Variants in PYHIN1 observed in about 807,000 individuals in gnomAD.
PYHIN1 encodes the protein pyrin and HIN domain-containing protein 1.
A neutral mutation model predicts 43.7 loss-of-function variants in PYHIN1; 32 were observed. The observed-to-expected ratio is 0.73, with a 90% CI of 0.55 to 0.98. The LOEUF is 0.98. PYHIN1 is among the 50% of genes least tolerant of loss of function. The pLI, the probability that PYHIN1 is intolerant of heterozygous loss-of-function variation, is 0.00. For missense variants in PYHIN1, 588 were observed against 589.5 expected (o/e 1.00, Z 0.03); for synonymous variants, 205 against 203.1 (o/e 1.01, Z -0.08).
chr1:158,972,925 A>G (rs1296869041), intron 7 of PYHIN1, among the ~76,000 whole-genome samples: 1 of 152,114 alleles, frequency 6.6e-6, no homozygotes, highest in African/African-American at 2.4e-5. Context: ...CTGCTCAGGT[A>G]AGTAAAAACA....
At chr1:158,967,842 A>G (rs936341394) in intron 7 of PYHIN1, among the ~76,000 whole-genome samples, 11 of 151,958 alleles carry the variant, frequency 7.2e-5, no homozygotes, top group Non-Finnish European at 1.5e-4. Context: ...AAGCAATGGG[A>G]TAAGGACTCC....
At chr1:158,984,224 T>C in the PYHIN1 span, among the ~76,000 whole-genome samples, 1 of 152,032 alleles carries the variant, frequency 6.6e-6, no homozygotes. Flanking sequence ...TTCTAGTTCC[T>C]GTAAATGTGA....
intron 3 of PYHIN1, 113 bp downstream of exon 3, chr1:158,938,655 T>C: frequency 9.1e-7 from 1 of 1,100,592 alleles, no homozygotes; most frequent in Non-Finnish European, 1.3e-6. Flanking sequence ...TCCCATCAAG[T>C]TTCAGATTTA....
intron 7 of PYHIN1, among the ~76,000 whole-genome samples, chr1:158,953,593 C>T (rs58831706): frequency 6.6e-6 from 1 of 151,794 alleles, no homozygotes; most frequent in Non-Finnish European, 1.5e-5. Context: ...CACCAAAAAC[C>T]CTTCTGTACA....
At chr1:158,973,820 G>C in intron 8 of PYHIN1, 49 bp downstream of exon 8, 1 of 1,589,180 alleles carries the variant, frequency 6.3e-7, no homozygotes, top group South Asian at 1.1e-5. Flanking sequence ...ATAATTGTAG[G>C]GGTAATCAGA....
chr1:158,943,141 C>T (rs1481842871), intron 5 of PYHIN1, among the ~76,000 whole-genome samples: 1 of 152,152 alleles, frequency 6.6e-6, no homozygotes, highest in Non-Finnish European at 1.5e-5. Flanking sequence ...ACTGACAGCT[C>T]ATGATCTGTT....
At chr1:158,957,291 T>C (rs1244621843) in intron 7 of PYHIN1, among the ~76,000 whole-genome samples, 9 of 151,454 alleles carry the variant, frequency 5.9e-5, no homozygotes, top group African/African-American at 2.2e-4. Flanking sequence ...GAGCCCGCAT[T>C]GCCAAGGCAA....
At chr1:158,987,531 A>T in the PYHIN1 span, among the ~76,000 whole-genome samples, 7 of 152,084 alleles carry the variant, frequency 4.6e-5, no homozygotes, top group African/African-American at 1.7e-4. Flanking sequence ...TGATACGTAA[A>T]AGTTTTTAAT....
chr1:158,949,558 G>A (rs1649417654), intron 7 of PYHIN1, among the ~76,000 whole-genome samples: 2 of 111,106 alleles, frequency 1.8e-5, no homozygotes, highest in South Asian at 5.6e-4. Context: ...ACAGTCCCCA[G>A]AGTGTGATGT....
chr1:158,941,892 T>C (rs948487931), intron 4 of PYHIN1, 85 bp from the exon 5 acceptor site: 58 of 1,299,408 alleles, frequency 4.5e-5, no homozygotes, highest in Non-Finnish European at 5.9e-5. Context: ...GGGGGCCCAA[T>C]GTTGTGCCTT....
At chr1:158,956,316 AC>A (rs972475183) in intron 7 of PYHIN1, among the ~76,000 whole-genome samples, 6 of 152,262 alleles carry the variant, frequency 3.9e-5, no homozygotes, top group East Asian at 3.9e-4. Flanking sequence ...AGAATTTTAG[AC>A]CAATATCCTT....
At chr1:158,945,068 C>G in intron 7 of PYHIN1, 26 bp downstream of exon 7, 2 of 1,585,430 alleles carry the variant, frequency 1.3e-6, no homozygotes, top group Non-Finnish European at 1.7e-6. Context: ...TCCCATGACT[C>G]TTATCTCCCA....
chr1:158,983,704 G>T, the PYHIN1 span, among the ~76,000 whole-genome samples: 1 of 152,080 alleles, frequency 6.6e-6, no homozygotes, highest in Non-Finnish European at 1.5e-5. Flanking sequence ...AATAATTTTG[G>T]TAGGATTGGT....
At chr1:158,937,248 T>G in intron 2 of PYHIN1, 73 bp downstream of exon 2, 1 of 1,467,028 alleles carries the variant, frequency 6.8e-7, no homozygotes, top group Non-Finnish European at 9.1e-7. Context: ...GAACGCCACC[T>G]TGGTCGTAGC....
chr1:158,965,377 C>A (rs180762687), intron 7 of PYHIN1, among the ~76,000 whole-genome samples: 163 of 152,220 alleles, frequency 1.1e-3, no homozygotes, highest in African/African-American at 3.8e-3. Context: ...GAACTGCACT[C>A]AATACTTGAC....
intron 4 of PYHIN1, chr1:158,939,857 A>C (rs1648804865): frequency 3.6e-6 from 1 of 278,400 alleles, no homozygotes; most frequent in Non-Finnish European, 6.8e-6. Context: ...CTAGTTTGTA[A>C]TTCTGTGGAC....
At chr1:158,959,044 C>T (rs1281229511) in intron 7 of PYHIN1, among the ~76,000 whole-genome samples, 2 of 151,450 alleles carry the variant, frequency 1.3e-5, no homozygotes, top group East Asian at 3.9e-4. Flanking sequence ...AAATCCCAAG[C>T]GGGCACTAAT....
At chr1:158,965,564 A>G (rs1650584751) in intron 7 of PYHIN1, among the ~76,000 whole-genome samples, 1 of 152,204 alleles carries the variant, frequency 6.6e-6, no homozygotes, top group South Asian at 2.1e-4. Context: ...CACAGTGCAT[A>G]AAAGTATAAA....
Position 158,936,896 on chromosome 1 carries a change from C to G in PYHIN1, c.-15C>G. On this transcript the variant is annotated 5_prime_UTR_variant, in exon 2 of 9. Transcript: ENST00000368140. ...ATACCATTTTTCTCTTGCAGGCTCA[C>G]TTATATCTTTAGAGATGGCAAATAA... The G allele has an allele frequency of 1.9e-6, 3 of 1,556,056 alleles. No individual in the cohort carries two copies. The highest frequency in any genetic ancestry group is 2.6e-6 in the Non-Finnish European group (3 of 1,154,650).
Sources: allele counts gnomAD v4.1 joint callset (sites outside exome capture counted in the v4.1 genomes callset), GRCh38; gene constraint gnomAD v4.1.1; transcripts MANE v1.5; gene names NCBI Gene and HGNC (gene_info 2026-07-23, HGNC 2026-07-21).